The following CD247 variants were observed in gnomAD, a reference collection of about 807,000 sequenced individuals.
The protein encoded by CD247 is T-cell surface glycoprotein CD3 zeta chain.
A neutral mutation model predicts 30.0 loss-of-function variants in CD247; 13 were observed. The observed-to-expected ratio is 0.43, with a 90% CI of 0.28 to 0.69. The LOEUF is 0.69. Ranked by LOEUF, CD247 falls within the 30% of genes least tolerant of loss-of-function variation. The pLI, the probability that CD247 is intolerant of heterozygous loss-of-function variation, is 0.16. For synonymous variants in CD247, 72 were observed against 80.0 expected, an observed-to-expected ratio of 0.90 and a Z score of 0.53; for missense variants, 193 against 212.6, an observed-to-expected ratio of 0.91 and a Z score of 0.57.
At chr1:167,490,259 G>T (rs1032013978) in intron 1 of CD247, among the ~76,000 whole-genome samples, 2 of 152,182 alleles carry the variant, frequency 1.3e-5, no homozygotes, top group Non-Finnish European at 2.9e-5. Flanking sequence ...CCCGTCATCT[G>T]ACCTCATCTT....
intron 4 of CD247, 71 bp from the exon 5 acceptor site, chr1:167,435,505 C>A: frequency 2.4e-6 from 3 of 1,230,318 alleles, no homozygotes; most frequent in East Asian, 2.3e-5. Context: ...ACAGCAAACC[C>A]CATCCTGCCC....
At chr1:167,477,613 T>TCAAGGC (rs1653804256) in intron 1 of CD247, among the ~76,000 whole-genome samples, 1 of 152,192 alleles carries the variant, frequency 6.6e-6, no homozygotes, top group Admixed American at 6.5e-5. Flanking sequence ...CACTGCAGCC[T>TCAAGGC]TGACCTCCTG....
chr1:167,431,105 T>C lies in CD247; in HGVS notation c.*576A>G. The C allele has an allele frequency of 5.9e-6, 2 of 339,242 alleles. No individual in the cohort carries two copies. The highest frequency in any genetic ancestry group is 1.1e-4 in the South Asian group (1 of 9,286). The allele number at this position is 339,242 out of a possible 1,614,324, so 21.0% of individuals were successfully genotyped here. On this transcript the variant is annotated 3_prime_UTR_variant, in exon 8 of 8. Transcript: ENST00000362089. ...TCGCAGGCCCTGGCTGACCCTCCCCTGCCCGCCCACCTTCCCATGCCCCTG... is the reference window on the plus strand; with the variant it reads ...TCGCAGGCCCTGGCTGACCCTCCCCCGCCCGCCCACCTTCCCATGCCCCTG...
intron 1 of CD247, among the ~76,000 whole-genome samples, chr1:167,477,110 A>G (rs961616210): frequency 1.6e-4 from 24 of 152,212 alleles, no homozygotes; most frequent in Non-Finnish European, 3.2e-4. Flanking sequence ...TTTGGAATCC[A>G]AGAGATTACT....
chr1:167,441,793 C>A (rs1189723506), intron 1 of CD247, among the ~76,000 whole-genome samples: 2 of 152,208 alleles, frequency 1.3e-5, no homozygotes, highest in South Asian at 2.1e-4. Flanking sequence ...TGCAGATACA[C>A]TAAATACTCT....
chr1:167,506,159 A>C (rs977306146), intron 1 of CD247, among the ~76,000 whole-genome samples: 2 of 152,186 alleles, frequency 1.3e-5, no homozygotes, highest in African/African-American at 4.8e-5. Context: ...CGAGATTCTG[A>C]CATACCAGCC....
At chr1:167,453,990 C>T (rs1276395800) in intron 1 of CD247, among the ~76,000 whole-genome samples, 4 of 152,024 alleles carry the variant, frequency 2.6e-5, no homozygotes, top group African/African-American at 9.7e-5. Context: ...ACAAAAAAAG[C>T]TCTAGATACT....
At chr1:167,489,114 G>A (rs1307030641) in intron 1 of CD247, among the ~76,000 whole-genome samples, 1 of 152,146 alleles carries the variant, frequency 6.6e-6, no homozygotes, top group East Asian at 1.9e-4. Context: ...AAAATCCGGG[G>A]CAGGAATTTC....
At chr1:167,486,533 G>A (rs1571574209) in intron 1 of CD247, among the ~76,000 whole-genome samples, 1 of 152,260 alleles carries the variant, frequency 6.6e-6, no homozygotes, top group Admixed American at 6.5e-5. Context: ...AGGCCCAGCC[G>A]CCGGTCCAGG....
chr1:167,509,041 A>T (rs1486018055), intron 1 of CD247, among the ~76,000 whole-genome samples: 1 of 152,188 alleles, frequency 6.6e-6, no homozygotes, highest in African/African-American at 2.4e-5. Context: ...TGGTAAGTCA[A>T]GTGGCCTGTC....
chr1:167,435,503 C>G, intron 4 of CD247, 69 bp from the exon 5 acceptor site: 1 of 1,223,848 alleles, frequency 8.2e-7, no homozygotes, highest in Non-Finnish European at 1.2e-6. Context: ...GTACAGCAAA[C>G]CCCATCCTGC....
chr1:167,516,375 T>C (rs1655606342), intron 1 of CD247, among the ~76,000 whole-genome samples: 1 of 152,258 alleles, frequency 6.6e-6, no homozygotes, highest in Admixed American at 6.5e-5. Flanking sequence ...ACAGACCAGG[T>C]CATCATTTGC....
At chr1:167,483,012 C>CTTTCT (rs1553234072) in intron 1 of CD247, among the ~76,000 whole-genome samples, 2 of 140,582 alleles carry the variant, frequency 1.4e-5, no homozygotes, top group Non-Finnish European at 3.1e-5. Context: ...TTCTTTCTTT[C>CTTTCT]TTTTTTTTTT....
intron 4 of CD247, 48 bp downstream of exon 4, chr1:167,438,522 G>A: frequency 6.9e-7 from 1 of 1,452,930 alleles, no homozygotes; most frequent in Non-Finnish European, 9.7e-7. Flanking sequence ...CCTGGGCTGA[G>A]CCCCACCACA....
intron 4 of CD247, among the ~76,000 whole-genome samples, chr1:167,438,358 C>G (rs1483353962): frequency 6.6e-6 from 1 of 152,178 alleles, no homozygotes; most frequent in Non-Finnish European, 1.5e-5. Context: ...GGTGCCACGT[C>G]CGGGGGTGAG....
chr1:167,479,122 C>T (rs1653867070), intron 1 of CD247, among the ~76,000 whole-genome samples: 1 of 152,226 alleles, frequency 6.6e-6, no homozygotes, highest in Non-Finnish European at 1.5e-5. Context: ...AGTATTCAAA[C>T]TCACATAGCT....
At chr1:167,442,260 A>AC (rs1228628114) in intron 1 of CD247, among the ~76,000 whole-genome samples, 2 of 151,996 alleles carry the variant, frequency 1.3e-5, no homozygotes, top group African/African-American at 2.4e-5. Context: ...ATCTCACTCC[A>AC]CCCCTGCCTG....
At chr1:167,434,125 G>A (rs971050571) in intron 5 of CD247, 49 bp from the exon 6 acceptor site, 7 of 1,551,362 alleles carry the variant, frequency 4.5e-6, no homozygotes, top group Non-Finnish European at 6.2e-6. Flanking sequence ...AATGCAGAAA[G>A]CAGCAGGTTC....
intron 1 of CD247, among the ~76,000 whole-genome samples, chr1:167,497,660 A>G (rs1654745608): frequency 6.6e-6 from 1 of 152,246 alleles, no homozygotes; most frequent in Non-Finnish European, 1.5e-5. Flanking sequence ...GGCACAACAG[A>G]AAAAGCACTG....
Sources: allele counts gnomAD v4.1 joint callset (sites outside exome capture counted in the v4.1 genomes callset), GRCh38; gene constraint gnomAD v4.1.1; transcripts MANE v1.5; gene names NCBI Gene and HGNC (gene_info 2026-07-23, HGNC 2026-07-21).